The following SPTBN1 variants were observed in gnomAD, a reference collection of about 807,000 sequenced individuals.
SPTBN1 encodes spectrin beta, non-erythrocytic 1.
In SPTBN1, 32 loss-of-function variants were observed where a neutral mutation model predicts 266.4. The observed-to-expected ratio is 0.12, with a 90% confidence interval of 0.09 to 0.16. The LOEUF is 0.16. SPTBN1 is among the 10% of genes least tolerant of loss of function. The pLI, the probability that SPTBN1 is intolerant of heterozygous loss-of-function variation, is 1.00. For missense variants in SPTBN1, 2,296 were observed against 3,067.1 expected, an observed-to-expected ratio of 0.75 and a Z score of 5.94; for synonymous variants, 1,336 against 1,162.2, an observed-to-expected ratio of 1.15 and a Z score of -3.04.
chr2:54,524,829 CTAT>C (rs1385486238), intron 1 of SPTBN1, among the ~76,000 whole-genome samples: 1 of 152,232 alleles, frequency 6.6e-6, no homozygotes, highest in African/African-American at 2.4e-5. Context: ...GCCTGAAACA[CTAT>C]TATTCTTGAT....
At chr2:54,590,350 C>T (rs573938280) in intron 2 of SPTBN1, among the ~76,000 whole-genome samples, 3 of 152,270 alleles carry the variant, frequency 2.0e-5, no homozygotes, top group East Asian at 1.9e-4. Flanking sequence ...TCAGTGAGAC[C>T]ACCACCAACA....
intron 32 of SPTBN1, chr2:54,663,063 C>T (rs1380676138): frequency 6.6e-6 from 1 of 152,220 alleles, no homozygotes; most frequent in Non-Finnish European, 1.5e-5. Context: ...TCCCTCCTTC[C>T]AGAGCTTTTT....
chr2:54,581,010 G>T (rs775009041), intron 2 of SPTBN1, among the ~76,000 whole-genome samples: 2 of 151,876 alleles, frequency 1.3e-5, no homozygotes, highest in East Asian at 3.9e-4. Flanking sequence ...AGGCACGAGA[G>T]TCGCTTGAGT....
At chr2:54,644,865 A>T (rs1182936345) in intron 20 of SPTBN1, among the ~76,000 whole-genome samples, 1 of 152,254 alleles carries the variant, frequency 6.6e-6, no homozygotes, top group Non-Finnish European at 1.5e-5. Flanking sequence ...ACCGTTTAAC[A>T]GTTAAATAAA....
intron 2 of SPTBN1, among the ~76,000 whole-genome samples, chr2:54,549,815 G>A (rs1672461763): frequency 6.6e-6 from 1 of 152,220 alleles, no homozygotes; most frequent in Non-Finnish European, 1.5e-5. Context: ...GGAGGGCCAA[G>A]AGCAGAGGCA....
At chr2:54,655,334 A>G in intron 28 of SPTBN1, 126 bp downstream of exon 28, 1 of 1,269,264 alleles carries the variant, frequency 7.9e-7, no homozygotes, top group Non-Finnish European at 1.1e-6. Context: ...ATGTTTTAAA[A>G]CTCCTTTCCT....
chr2:54,585,585 C>G (rs10183867), intron 2 of SPTBN1, among the ~76,000 whole-genome samples: 51,378 of 152,064 alleles, frequency 0.34, 11,176 homozygotes, highest in African/African-American at 0.63. Context: ...CAGTGTTTGA[C>G]CCTATGTGTA....
intron 1 of SPTBN1, among the ~76,000 whole-genome samples, chr2:54,457,811 C>T (rs1203774060): frequency 2.0e-5 from 3 of 152,240 alleles, no homozygotes; most frequent in Non-Finnish European, 4.4e-5. Context: ...TAGGTGTGAG[C>T]AGGGGAGAGT....
At position 54,630,850 on chromosome 2, in the gene SPTBN1, C is replaced by T; in HGVS notation, c.2808-5C>T. The T allele has an allele frequency of 6.4e-7, 1 of 1,566,016 alleles. No homozygotes were observed. The highest frequency in any genetic ancestry group is 1.4e-5 in the African/African-American group (1 of 73,934). On this transcript the variant is annotated splice_polypyrimidine_tract_variant and splice_region_variant and intron_variant, in intron 15 of 35. Coordinates refer to ENST00000356805, the MANE Select transcript of SPTBN1 (RefSeq NM_003128.3). ...CACACTCGCTGTCTGCCCCTGCACT[C>T]ACAGGTGGAGCCAGTTCAGAGAACT... is the stretch of plus-strand genomic sequence containing the variant.
intron 3 of SPTBN1, among the ~76,000 whole-genome samples, chr2:54,610,290 C>T (rs1009026042): frequency 1.3e-5 from 2 of 152,194 alleles, no homozygotes; most frequent in East Asian, 3.8e-4. Context: ...ATTCTCCAGC[C>T]TTAGATCCTT....
chr2:54,625,251 T>C (rs973159642), intron 11 of SPTBN1, among the ~76,000 whole-genome samples: 1 of 152,258 alleles, frequency 6.6e-6, no homozygotes, highest in Non-Finnish European at 1.5e-5. Flanking sequence ...GTTTCTCTCT[T>C]TTCTTTAATC....
intron 1 of SPTBN1, among the ~76,000 whole-genome samples, chr2:54,468,350 AT>A (rs1357709813): frequency 2.0e-4 from 30 of 151,778 alleles, no homozygotes; most frequent in Admixed American, 6.6e-4. Flanking sequence ...AAATAAAAAA[AT>A]ATGTGTGTAT....
intron 1 of SPTBN1, among the ~76,000 whole-genome samples, chr2:54,478,095 C>T (rs535261606): frequency 3.9e-5 from 6 of 152,236 alleles, no homozygotes; most frequent in Admixed American, 3.9e-4. Flanking sequence ...TTCACATGGT[C>T]TGAGGCTGAC....
chr2:54,663,287 T>G (rs967855069), intron 32 of SPTBN1: 1 of 152,226 alleles, frequency 6.6e-6, no homozygotes. Context: ...GGGCGACGTA[T>G]CTAATGAGCG....
Position 54,488,030 on chromosome 2 carries a change from T to C in SPTBN1, c.-48+31512T>C, listed in dbSNP as rs185935477. On this transcript the variant is annotated intron_variant, in intron 1 of 35. Transcript: ENST00000356805. The stretch of plus-strand genomic sequence containing the variant: ...ATTTTTGGTAGAGACGGGGTTTCAC[T>C]GTGTTGGCCAGGATGGTCTTGATCT... Among the ~76,000 whole-genome samples the C allele has an allele frequency of 8.8e-4, 134 of 151,908 alleles. 1 individual carries two copies. In the East Asian group the frequency reaches 0.017, roughly 20 times the overall value.
intron 1 of SPTBN1, among the ~76,000 whole-genome samples, chr2:54,481,279 G>C (rs769443202): frequency 6.6e-6 from 1 of 152,046 alleles, no homozygotes; most frequent in Non-Finnish European, 1.5e-5. Flanking sequence ...TGCCCAGAAA[G>C]TGCTGGTGAG....
chr2:54,484,643 A>C (rs1163781869), intron 1 of SPTBN1, among the ~76,000 whole-genome samples: 1 of 152,204 alleles, frequency 6.6e-6, no homozygotes. Flanking sequence ...CTATTCCTCT[A>C]TGCTTATGGA....
At chr2:54,532,918 G>A (rs1372681548) in intron 2 of SPTBN1, among the ~76,000 whole-genome samples, 1 of 151,960 alleles carries the variant, frequency 6.6e-6, no homozygotes, top group African/African-American at 2.4e-5. Context: ...ACTATTTCTC[G>A]GATAGAAGAT....
chr2:54,634,957 G>C (rs926721215), intron 17 of SPTBN1, among the ~76,000 whole-genome samples: 1 of 152,202 alleles, frequency 6.6e-6, no homozygotes. Context: ...CCACAGCACA[G>C]TTCATGGGGA....
Sources: allele counts gnomAD v4.1 joint callset (sites outside exome capture counted in the v4.1 genomes callset), GRCh38; gene constraint gnomAD v4.1.1; transcripts MANE v1.5; gene names NCBI Gene and HGNC (gene_info 2026-07-23, HGNC 2026-07-21).